Variants in PAG1 observed in about 807,000 individuals in gnomAD.
PAG1 encodes the protein phosphoprotein associated with glycosphingolipid-enriched microdomains 1.
A neutral mutation model predicts 31.7 loss-of-function variants in PAG1; 23 were observed. The observed-to-expected ratio is 0.73, with a 90% CI of 0.52 to 1.03. PAG1 has a LOEUF of 1.03. Among genes scored for constraint, PAG1 ranks in the 50% least tolerant of loss-of-function variants. PAG1 has a pLI of 0.00. For missense variants in PAG1, 473 were observed against 540.7 expected, an observed-to-expected ratio of 0.87 and a Z score of 1.24; for synonymous variants, 214 against 210.3, an observed-to-expected ratio of 1.02 and a Z score of -0.15.
chr8:81,083,534 T>A (rs1284665551), intron 1 of PAG1, among the ~76,000 whole-genome samples: 1 of 152,140 alleles, frequency 6.6e-6, no homozygotes, highest in African/African-American at 2.4e-5. Flanking sequence ...GGCTTCCCTA[T>A]CAGCTTTTGC....
intron 3 of PAG1, among the ~76,000 whole-genome samples, chr8:81,001,338 G>A (rs1043040098): frequency 1.3e-5 from 2 of 152,248 alleles, no homozygotes; most frequent in Non-Finnish European, 1.5e-5. Flanking sequence ...ATAGTTAAGA[G>A]GAAGAAAAGG....
chr8:80,979,174 A>G (rs1390572381), intron 8 of PAG1, among the ~76,000 whole-genome samples: 2 of 152,266 alleles, frequency 1.3e-5, no homozygotes, highest in Non-Finnish European at 2.9e-5. Flanking sequence ...GTTTCAAAAA[A>G]TACAAACAAA....
At chr8:81,015,111 C>T (rs534860016) in intron 3 of PAG1, among the ~76,000 whole-genome samples, 3 of 152,214 alleles carry the variant, frequency 2.0e-5, no homozygotes, top group African/African-American at 7.2e-5. Flanking sequence ...ATCCAGTTCA[C>T]ATCACTGATT....
At chr8:81,041,747 A>T (rs555743003) in intron 2 of PAG1, among the ~76,000 whole-genome samples, 2 of 152,300 alleles carry the variant, frequency 1.3e-5, no homozygotes, top group African/African-American at 4.8e-5. Context: ...AATAATTAAT[A>T]GCTAATTCTT....
At chr8:80,999,206 C>A (rs13439123) in intron 3 of PAG1, among the ~76,000 whole-genome samples, 2 of 152,188 alleles carry the variant, frequency 1.3e-5, no homozygotes, top group African/African-American at 4.8e-5. Flanking sequence ...GAACTCTGCA[C>A]GGATGAGTGT....
intron 8 of PAG1, among the ~76,000 whole-genome samples, chr8:80,979,149 G>C (rs974605036): frequency 6.6e-6 from 1 of 152,216 alleles, no homozygotes; most frequent in Non-Finnish European, 1.5e-5. Flanking sequence ...AAATTCATCA[G>C]TATAACTAGG....
intron 2 of PAG1, chr8:81,037,349 A>C (rs914133939): frequency 6.6e-6 from 1 of 152,224 alleles, no homozygotes; most frequent in Non-Finnish European, 1.5e-5. Flanking sequence ...ATTTCTAAGC[A>C]TGCTACCTGG....
chr8:81,007,591 C>T (rs1164135164), intron 3 of PAG1, among the ~76,000 whole-genome samples: 1 of 130,010 alleles, frequency 7.7e-6, no homozygotes, highest in East Asian at 2.4e-4. Flanking sequence ...GAGCTGAGAT[C>T]GTGCCACTGC....
At chr8:80,986,258 G>A (rs1428035797) in intron 6 of PAG1, among the ~76,000 whole-genome samples, 2 of 152,176 alleles carry the variant, frequency 1.3e-5, no homozygotes, top group African/African-American at 2.4e-5. Context: ...ACCCCTGTGT[G>A]TTCTAAATCC....
At chr8:81,103,207 T>C (rs1207381596) in intron 1 of PAG1, among the ~76,000 whole-genome samples, 1 of 151,784 alleles carries the variant, frequency 6.6e-6, no homozygotes, top group Non-Finnish European at 1.5e-5. Context: ...TCACATATAT[T>C]TGCATAAATA....
chr8:81,052,093 G>A (rs1394216095), intron 2 of PAG1, among the ~76,000 whole-genome samples: 3 of 147,606 alleles, frequency 2.0e-5, no homozygotes, highest in African/African-American at 7.6e-5. Flanking sequence ...TCATGCCACT[G>A]CACTCCAGCC....
intron 1 of PAG1, among the ~76,000 whole-genome samples, chr8:81,078,625 TA>T (rs964861487): frequency 1.3e-5 from 2 of 152,192 alleles, no homozygotes; most frequent in Admixed American, 6.5e-5. Context: ...TTATTTTCCC[TA>T]AATTTCTTCT....
At chr8:81,071,072 T>G (rs1809086202) in intron 1 of PAG1, among the ~76,000 whole-genome samples, 1 of 133,170 alleles carries the variant, frequency 7.5e-6, no homozygotes, top group Non-Finnish European at 1.5e-5. Flanking sequence ...CTTTTCTTTT[T>G]TGGTAAAGTT....
intron 1 of PAG1, among the ~76,000 whole-genome samples, chr8:81,088,110 G>A (rs1347151717): frequency 1.3e-5 from 2 of 152,116 alleles, no homozygotes; most frequent in East Asian, 1.9e-4. Context: ...GGGTCTGGGT[G>A]TGCTTCTTTA....
chr8:81,108,846 AT>A (rs1291202098), intron 1 of PAG1, among the ~76,000 whole-genome samples: 1 of 152,186 alleles, frequency 6.6e-6, no homozygotes, highest in Non-Finnish European at 1.5e-5. Context: ...AGTATAAATT[AT>A]TTCTTTTTCT....
intron 2 of PAG1, among the ~76,000 whole-genome samples, chr8:81,069,842 T>C (rs1004569586): frequency 6.6e-6 from 1 of 152,232 alleles, no homozygotes; most frequent in Non-Finnish European, 1.5e-5. Flanking sequence ...CAGCCATGGA[T>C]GGGCTTACCA....
At chr8:81,094,567 G>T (rs1019868686) in intron 1 of PAG1, among the ~76,000 whole-genome samples, 2 of 151,908 alleles carry the variant, frequency 1.3e-5, no homozygotes, top group African/African-American at 4.8e-5. Flanking sequence ...CTTCTTTTAT[G>T]GGAAAAAGAG....
At chr8:80,987,547 G>C (rs1194647787) in intron 5 of PAG1, 81 bp from the exon 6 acceptor site, 2 of 968,652 alleles carry the variant, frequency 2.1e-6, no homozygotes, top group Non-Finnish European at 3.2e-6. Flanking sequence ...AAGATCCATG[G>C]CTTTTTCAAA....
At chr8:81,107,048 CT>C (rs965875041) in intron 1 of PAG1, among the ~76,000 whole-genome samples, 7 of 150,528 alleles carry the variant, frequency 4.7e-5, no homozygotes, top group East Asian at 3.9e-4. Flanking sequence ...CACACTTCTC[CT>C]TTTTTTTTAG....
Sources: gnomAD v4.1 joint callset for allele counts (sites outside exome capture counted in the v4.1 genomes callset) on GRCh38, gnomAD v4.1.1 for gene constraint, MANE v1.5 for transcripts, NCBI Gene and HGNC (gene_info 2026-07-23, HGNC 2026-07-21) for gene names.